The following LRFN2 variants were observed in gnomAD, a reference collection of about 807,000 sequenced individuals.
The protein encoded by LRFN2 is leucine rich repeat and fibronectin type III domain containing 2.
Under a neutral mutation model 37.3 loss-of-function variants are expected in LRFN2, and 18 were observed. That is an observed-to-expected ratio of 0.48 (90% CI 0.33 to 0.72). LRFN2 has a LOEUF of 0.72. LRFN2 is among the 30% of genes least tolerant of loss of function. The pLI is 0.02. For synonymous variants in LRFN2, 556 were observed against 466.6 expected, an observed-to-expected ratio of 1.19 and a Z score of -2.47; for missense variants, 1,006 against 1,060.7, an observed-to-expected ratio of 0.95 and a Z score of 0.72.
intron 1 of LRFN2, among the ~76,000 whole-genome samples, chr6:40,463,322 T>C (rs7759082): frequency 0.021 from 3,132 of 152,308 alleles, 100 homozygotes; most frequent in African/African-American, 0.071. Context: ...GAATGCTAAT[T>C]TGGAGGCTCT....
chr6:40,500,832 G>T (rs191055346), intron 1 of LRFN2, among the ~76,000 whole-genome samples: 1 of 152,262 alleles, frequency 6.6e-6, no homozygotes, highest in Admixed American at 6.5e-5. Context: ...AACATCTACA[G>T]GTTTGGAAAG....
At position 40,432,772 on chromosome 6, in the gene LRFN2, G is replaced by C. The variant is rs1254007600; in HGVS notation, c.342C>G (p.Ser114Arg). The C allele has an allele frequency of 6.2e-7, 1 of 1,614,230 alleles. No homozygotes were observed. The change falls in exon 2 of 3, where the codon AGC becomes AGG. Residue 114 changes from serine to arginine, a missense_variant. Transcript: ENST00000338305. ...GGCCCCGGAGGGTGTCCTCCCCAAG[G>C]CTTGGCAGCCGATTGCTGTCAAGAT... is the stretch of plus-strand genomic sequence containing the variant. ...SLHLDSNRLP[S>R]LGEDTLRGLV...
At chr6:40,443,596 C>T (rs1180382945) in intron 1 of LRFN2, among the ~76,000 whole-genome samples, 4 of 152,162 alleles carry the variant, frequency 2.6e-5, no homozygotes, top group South Asian at 4.1e-4. Flanking sequence ...GCAAATGGAG[C>T]AGAGTCTCCC....
chr6:40,408,677 C>T (rs1245682369), intron 2 of LRFN2, among the ~76,000 whole-genome samples: 1 of 152,172 alleles, frequency 6.6e-6, no homozygotes, highest in African/African-American at 2.4e-5. Context: ...TAAATAGGAA[C>T]ACTAGTACCT....
At chr6:40,413,480 C>A (rs1157061010) in intron 2 of LRFN2, among the ~76,000 whole-genome samples, 1 of 152,202 alleles carries the variant, frequency 6.6e-6, no homozygotes, top group Non-Finnish European at 1.5e-5. Context: ...CATTAAATCT[C>A]GCTCTTCCCC....
chr6:40,547,877 G>T (rs1766695265), intron 1 of LRFN2, among the ~76,000 whole-genome samples: 1 of 152,094 alleles, frequency 6.6e-6, no homozygotes, highest in African/African-American at 2.4e-5. Flanking sequence ...CAGCCCCAGG[G>T]TATTTCACTA....
chr6:40,433,824 G>A (rs965411724), intron 1 of LRFN2, among the ~76,000 whole-genome samples: 7 of 152,160 alleles, frequency 4.6e-5, no homozygotes, highest in African/African-American at 1.2e-4. Flanking sequence ...GGGAGGCAAA[G>A]GAGTGAATTC....
At chr6:40,496,433 G>A (rs750492123) in intron 1 of LRFN2, among the ~76,000 whole-genome samples, 19 of 152,114 alleles carry the variant, frequency 1.2e-4, no homozygotes, top group Non-Finnish European at 1.9e-4. Context: ...GCAAGGCCCT[G>A]TGTGATTCGG....
intron 2 of LRFN2, among the ~76,000 whole-genome samples, chr6:40,405,722 C>G (rs1762831548): frequency 6.6e-6 from 1 of 152,150 alleles, no homozygotes. Flanking sequence ...ATGGGTCCCC[C>G]CTCCAACCCC....
chr6:40,463,381 C>T (rs918419527), intron 1 of LRFN2, among the ~76,000 whole-genome samples: 1 of 152,154 alleles, frequency 6.6e-6, no homozygotes, highest in Non-Finnish European at 1.5e-5. Context: ...ATCTCCCCTG[C>T]TCCTAGTTTC....
At chr6:40,459,599 G>A (rs1432317191) in intron 1 of LRFN2, among the ~76,000 whole-genome samples, 3 of 152,116 alleles carry the variant, frequency 2.0e-5, no homozygotes, top group Non-Finnish European at 4.4e-5. Context: ...CAGTCTTTCA[G>A]GGCCCAGAAC....
chr6:40,476,186 A>C (rs570954948), intron 1 of LRFN2, among the ~76,000 whole-genome samples: 1 of 152,284 alleles, frequency 6.6e-6, no homozygotes, highest in South Asian at 2.1e-4. Context: ...ACTCAGGGCC[A>C]TGCCAGAACC....
At chr6:40,442,924 A>G (rs375166972) in intron 1 of LRFN2, among the ~76,000 whole-genome samples, 4 of 152,296 alleles carry the variant, frequency 2.6e-5, no homozygotes, top group African/African-American at 9.6e-5. Context: ...GTCTCATTAC[A>G]CAGGCCTGCA....
chr6:40,433,167 C>A (rs1763557787), intron 1 of LRFN2, 36 bp from the exon 2 acceptor site: 1 of 1,495,358 alleles, frequency 6.7e-7, no homozygotes, highest in East Asian at 2.3e-5. Context: ...GGTCAGGAGG[C>A]AAATTCCTAA....
chr6:40,423,776 G>T (rs1172404847), intron 2 of LRFN2, among the ~76,000 whole-genome samples: 1 of 152,130 alleles, frequency 6.6e-6, no homozygotes, highest in African/African-American at 2.4e-5. Context: ...TGCCCTTCTT[G>T]TTTCCATCTT....
intron 1 of LRFN2, among the ~76,000 whole-genome samples, chr6:40,526,673 G>A (rs2113906340): frequency 6.6e-6 from 1 of 152,266 alleles, no homozygotes; most frequent in South Asian, 2.1e-4. Context: ...GACCTGTGTG[G>A]CCAGTGGGTG....
At chr6:40,447,786 T>TACCTAGTAGGTGGTCC (rs1228684587) in intron 1 of LRFN2, among the ~76,000 whole-genome samples, 3 of 152,142 alleles carry the variant, frequency 2.0e-5, no homozygotes, top group Admixed American at 6.5e-5. Context: ...CTGGGTGGCC[T>TACCTAGTAGGTGGTCC]ACCTAGTAGG....
intron 1 of LRFN2, among the ~76,000 whole-genome samples, chr6:40,433,747 T>G (rs1285114493): frequency 2.0e-5 from 3 of 152,216 alleles, no homozygotes; most frequent in Admixed American, 1.3e-4. Flanking sequence ...GGGAACTGTT[T>G]CACCAAGGAG....
intron 2 of LRFN2, among the ~76,000 whole-genome samples, chr6:40,424,387 C>T (rs566517578): frequency 6.6e-6 from 1 of 152,294 alleles, no homozygotes; most frequent in East Asian, 1.9e-4. Context: ...GGGGCCTTAG[C>T]GAGATGTGCC....
Sources: allele counts gnomAD v4.1 joint callset (sites outside exome capture counted in the v4.1 genomes callset), GRCh38; gene constraint gnomAD v4.1.1; transcripts MANE v1.5; gene names NCBI Gene and HGNC (gene_info 2026-07-23, HGNC 2026-07-21).